Variants in NREP observed in about 807,000 individuals in gnomAD.
NREP encodes the protein neuronal regeneration-related protein.
NREP carries 5 observed loss-of-function variants against 8.6 expected under a neutral mutation model. That is an observed-to-expected ratio of 0.58 (90% CI 0.30 to 1.22). The LOEUF is 1.22. Among genes scored for constraint, NREP ranks in the 50% most tolerant of loss-of-function variants. The pLI, the probability that NREP is intolerant of heterozygous loss-of-function variation, is 0.07. For synonymous variants in NREP, 27 were observed against 28.0 expected (o/e 0.96, Z 0.11); for missense variants, 86 against 82.5 (o/e 1.04, Z -0.17).
At chr5:111,957,621 C>T (rs1756361208) in intron 2 of NREP, among the ~76,000 whole-genome samples, 1 of 151,424 alleles carries the variant, frequency 6.6e-6, no homozygotes, top group Admixed American at 6.6e-5. Flanking sequence ...ATTTATAATC[C>T]ATTTTCACTT....
At chr5:111,870,180 A>G (rs1753757100) in intron 2 of NREP, among the ~76,000 whole-genome samples, 1 of 152,220 alleles carries the variant, frequency 6.6e-6, no homozygotes, top group South Asian at 2.1e-4. Flanking sequence ...CTGTAAACCC[A>G]GCACTTTGGG....
chr5:111,859,459 G>C (rs1055114798), intron 2 of NREP, among the ~76,000 whole-genome samples: 1 of 152,148 alleles, frequency 6.6e-6, no homozygotes, highest in Non-Finnish European at 1.5e-5. Flanking sequence ...ATGAGAGTGT[G>C]CCAGGGCAGC....
chr5:111,874,885 T>C (rs1581180879), intron 2 of NREP, among the ~76,000 whole-genome samples: 1 of 152,308 alleles, frequency 6.6e-6, no homozygotes, highest in South Asian at 2.1e-4. Flanking sequence ...CACAATGATG[T>C]CCCTCTACTC....
At chr5:111,819,319 A>G (rs977618384) in intron 2 of NREP, among the ~76,000 whole-genome samples, 2 of 152,248 alleles carry the variant, frequency 1.3e-5, no homozygotes, top group Admixed American at 6.5e-5. Context: ...AGCTAAACGG[A>G]ATTAGCATAG....
At chr5:111,735,309 C>A in intron 3 of NREP, 121 bp downstream of exon 3, 1 of 587,222 alleles carries the variant, frequency 1.7e-6, no homozygotes, top group Non-Finnish European at 3.0e-6. Context: ...ATCATAGTAT[C>A]AGATTAATGG....
At chr5:111,819,265 A>G (rs1264624353) in intron 2 of NREP, among the ~76,000 whole-genome samples, 1 of 151,830 alleles carries the variant, frequency 6.6e-6, no homozygotes, top group Admixed American at 6.6e-5. Context: ...CTGTCAAACT[A>G]CTCACCCTGC....
At chr5:111,888,853 T>C (rs1036072964) in intron 2 of NREP, among the ~76,000 whole-genome samples, 22 of 152,190 alleles carry the variant, frequency 1.4e-4, no homozygotes, top group East Asian at 5.8e-4. Context: ...CGAGACCTCA[T>C]TGAAATAAGA....
At chr5:111,969,649 G>C (rs1187222919) in intron 2 of NREP, 1 of 152,176 alleles carries the variant, frequency 6.6e-6, no homozygotes, top group Non-Finnish European at 1.5e-5. Context: ...TAAAATAAAA[G>C]AGGAGATAAA....
intron 2 of NREP, among the ~76,000 whole-genome samples, chr5:111,937,690 C>G (rs1318186265): frequency 2.6e-5 from 4 of 151,990 alleles, no homozygotes; most frequent in Non-Finnish European, 5.9e-5. Context: ...GCCCCAAGTC[C>G]CCAACTCCTT....
At chr5:111,803,491 C>A (rs903040841) in intron 2 of NREP, among the ~76,000 whole-genome samples, 5 of 152,110 alleles carry the variant, frequency 3.3e-5, no homozygotes, top group African/African-American at 9.7e-5. Context: ...CCTTTCATTG[C>A]GTTCCTTTCA....
At chr5:111,801,195 C>T (rs1302112916) in intron 2 of NREP, among the ~76,000 whole-genome samples, 2 of 152,116 alleles carry the variant, frequency 1.3e-5, no homozygotes, top group African/African-American at 4.8e-5. Flanking sequence ...TTTACAATTA[C>T]AAATGTTTAC....
At chr5:111,794,641 T>TA (rs988458340) in intron 2 of NREP, among the ~76,000 whole-genome samples, 5 of 151,794 alleles carry the variant, frequency 3.3e-5, no homozygotes, top group Non-Finnish European at 5.9e-5. Flanking sequence ...ATGGAAACAA[T>TA]AAAAAAAATC....
chr5:111,745,286 AG>A (rs1175714787), intron 2 of NREP, among the ~76,000 whole-genome samples: 8 of 152,202 alleles, frequency 5.3e-5, no homozygotes, highest in African/African-American at 1.9e-4. Flanking sequence ...AACCTGCCCA[AG>A]GTCTCCAGTG....
At chr5:111,935,077 A>G (rs1411948285) in intron 2 of NREP, among the ~76,000 whole-genome samples, 1 of 152,122 alleles carries the variant, frequency 6.6e-6, no homozygotes, top group Non-Finnish European at 1.5e-5. Flanking sequence ...CTATTTTTCT[A>G]GATAAGAAAT....
chr5:111,901,905 C>A (rs2112549440), intron 2 of NREP, among the ~76,000 whole-genome samples: 1 of 152,156 alleles, frequency 6.6e-6, no homozygotes, highest in Middle Eastern at 3.4e-3. Context: ...AATGCAATTC[C>A]CATCAAAATA....
At chr5:111,880,268 G>C (rs1185799830) in intron 2 of NREP, among the ~76,000 whole-genome samples, 2 of 152,118 alleles carry the variant, frequency 1.3e-5, no homozygotes, top group African/African-American at 4.8e-5. Context: ...CTCCATATAT[G>C]ATTTTTTAAA....
At chr5:111,927,249 T>C (rs1320358270) in intron 2 of NREP, among the ~76,000 whole-genome samples, 3 of 152,054 alleles carry the variant, frequency 2.0e-5, no homozygotes, top group East Asian at 1.9e-4. Flanking sequence ...CTATGAAGAA[T>C]TGAAACAGGA....
At chr5:111,821,505 A>T (rs1752513737) in intron 2 of NREP, among the ~76,000 whole-genome samples, 1 of 152,208 alleles carries the variant, frequency 6.6e-6, no homozygotes. Context: ...ATATTTGGGG[A>T]CACAATTATA....
At chr5:111,755,861 A>G in intron 1 of NREP, 31 bp from the exon 2 acceptor site, 1 of 1,611,706 alleles carries the variant, frequency 6.2e-7, no homozygotes. Flanking sequence ...CAGTAGACAC[A>G]TCGCCTCACC....
Sources: gnomAD v4.1 joint callset for allele counts (sites outside exome capture counted in the v4.1 genomes callset) on GRCh38, gnomAD v4.1.1 for gene constraint, MANE v1.5 for transcripts, NCBI Gene and HGNC (gene_info 2026-07-23, HGNC 2026-07-21) for gene names.